Variants in RPN2 observed in about 807,000 individuals in gnomAD.
RPN2 encodes the protein dolichyl-diphosphooligosaccharide--protein glycosyltransferase subunit 2.
Under a neutral mutation model 71.4 loss-of-function variants are expected in RPN2, and 29 were observed. The ratio of observed to expected loss-of-function variants is 0.41; its 90% CI spans 0.30 to 0.55. The LOEUF is 0.55. Ranked by LOEUF, RPN2 falls within the 20% of genes least tolerant of loss-of-function variation. The pLI, the probability that RPN2 is intolerant of heterozygous loss-of-function variation, is 0.35. For missense variants in RPN2, 726 were observed against 774.1 expected (o/e 0.94, Z 0.74); for synonymous variants, 308 against 305.0 (o/e 1.01, Z -0.10).
At chr20:37,202,413 C>G (rs2146577759) in intron 4 of RPN2, among the ~76,000 whole-genome samples, 1 of 152,286 alleles carries the variant, frequency 6.6e-6, no homozygotes, top group East Asian at 1.9e-4. Context: ...ATGTTCTTGA[C>G]ATAAGCAGAC....
intron 7 of RPN2, among the ~76,000 whole-genome samples, chr20:37,207,660 T>C (rs879314006): frequency 6.6e-6 from 1 of 152,102 alleles, no homozygotes; most frequent in Admixed American, 6.5e-5. Context: ...TAAAAAAATT[T>C]TTTTCCCCTC....
chr20:37,228,983 G>T (rs2068159831), intron 12 of RPN2, among the ~76,000 whole-genome samples: 1 of 111,362 alleles, frequency 9.0e-6, no homozygotes, highest in South Asian at 2.7e-4. Context: ...TAAACTTTGT[G>T]AGTGCTAGTA....
intron 13 of RPN2, among the ~76,000 whole-genome samples, chr20:37,232,048 G>C (rs556264636): frequency 2.0e-5 from 3 of 152,134 alleles, no homozygotes; most frequent in Admixed American, 6.5e-5. Flanking sequence ...AGTCTTTGAA[G>C]GGAATAAAGG....
At position 37,226,520 on chromosome 20, in the gene RPN2, G is replaced by GTGTATGTA. The variant is rs1269989483; in HGVS notation, c.1299+728_1299+735dup. ...GGCAATATGGTGAGACCTCATTTGT[G>GTGTATGTA]TGTATGTATGTATGTATAAATAAAT... On this transcript the variant is annotated intron_variant, in intron 11 of 16. Coordinates refer to ENST00000237530, the MANE Select transcript of RPN2 (RefSeq NM_002951.5). Among the ~76,000 whole-genome samples, 4 of 152,042 alleles carry GTGTATGTA rather than the reference G, an allele frequency of 2.6e-5. No individual in the cohort carries two copies. In the East Asian group the frequency reaches 7.7e-4, roughly 29 times the overall value.
intron 9 of RPN2, among the ~76,000 whole-genome samples, chr20:37,219,140 A>G (rs1266950694): frequency 3.9e-5 from 6 of 152,186 alleles, no homozygotes; most frequent in Non-Finnish European, 8.8e-5. Context: ...TCTACCAGCA[A>G]TGTGTGAGGG....
intron 1 of RPN2, among the ~76,000 whole-genome samples, chr20:37,182,570 C>A (rs2066911179): frequency 6.6e-6 from 1 of 151,932 alleles, no homozygotes; most frequent in African/African-American, 2.4e-5. Flanking sequence ...TTTGTATTTT[C>A]TTTTTTGTAG....
At chr20:37,198,269 A>T in intron 2 of RPN2, 128 bp from the exon 3 acceptor site, 1 of 1,541,240 alleles carries the variant, frequency 6.5e-7, no homozygotes, top group African/African-American at 1.4e-5. Context: ...GTAACTACTT[A>T]ACTAAATTCA....
chr20:37,240,255 C>G (rs1320801098), intron 16 of RPN2, among the ~76,000 whole-genome samples: 1 of 152,214 alleles, frequency 6.6e-6, no homozygotes, highest in Non-Finnish European at 1.5e-5. Context: ...TAGCCGCAGT[C>G]AAGAGTTGTG....
At chr20:37,194,791 T>G (rs2067219765) in intron 2 of RPN2, among the ~76,000 whole-genome samples, 1 of 151,882 alleles carries the variant, frequency 6.6e-6, no homozygotes, top group Admixed American at 6.6e-5. Flanking sequence ...TTAGAAAGGG[T>G]CTGGCGTGGG....
chr20:37,188,118 G>A (rs1252047509), intron 2 of RPN2, among the ~76,000 whole-genome samples: 1 of 151,942 alleles, frequency 6.6e-6, no homozygotes, highest in African/African-American at 2.4e-5. Context: ...CCCTATAACT[G>A]TATTTGCATT....
At chr20:37,205,976 C>T (rs971617363) in intron 6 of RPN2, among the ~76,000 whole-genome samples, 2 of 152,206 alleles carry the variant, frequency 1.3e-5, no homozygotes, top group African/African-American at 2.4e-5. Flanking sequence ...CAAAACAATT[C>T]TGGTGAACAG....
At chr20:37,221,232 A>G (rs981556694) in intron 9 of RPN2, among the ~76,000 whole-genome samples, 1 of 138,504 alleles carries the variant, frequency 7.2e-6, no homozygotes, top group Non-Finnish European at 1.5e-5. Context: ...GCCTTGCCCT[A>G]TTGCCCAGGC....
chr20:37,209,586 C>T (rs2067605576), intron 7 of RPN2, among the ~76,000 whole-genome samples: 1 of 152,104 alleles, frequency 6.6e-6, no homozygotes, highest in Admixed American at 6.5e-5. Context: ...GCCTCAACTT[C>T]CTGAGTATCT....
chr20:37,220,332 A>G (rs536281291), intron 9 of RPN2, among the ~76,000 whole-genome samples: 1 of 152,298 alleles, frequency 6.6e-6, no homozygotes, highest in South Asian at 2.1e-4. Flanking sequence ...CTCCCAAGAA[A>G]TGCTCGACAT....
intron 8 of RPN2, among the ~76,000 whole-genome samples, chr20:37,212,106 T>C (rs992450792): frequency 6.6e-6 from 1 of 152,098 alleles, no homozygotes; most frequent in Admixed American, 6.6e-5. Flanking sequence ...ATTATTGCTA[T>C]GTAATTTTTT....
intron 2 of RPN2, among the ~76,000 whole-genome samples, chr20:37,190,994 A>G (rs1021872729): frequency 6.6e-6 from 1 of 152,202 alleles, no homozygotes; most frequent in African/African-American, 2.4e-5. Flanking sequence ...CCTTCAGCTC[A>G]GTAGAGAGAA....
intron 4 of RPN2, among the ~76,000 whole-genome samples, chr20:37,199,821 A>G (rs1165499219): frequency 3.3e-5 from 5 of 152,058 alleles, no homozygotes; most frequent in Non-Finnish European, 7.4e-5. Context: ...TTAAGTGATA[A>G]TATATGTAGT....
intron 1 of RPN2, among the ~76,000 whole-genome samples, chr20:37,183,955 A>G (rs1252384758): frequency 6.6e-6 from 1 of 152,164 alleles, no homozygotes; most frequent in Non-Finnish European, 1.5e-5. Flanking sequence ...TAGTAGGATA[A>G]GGCCTGTGCT....
chr20:37,223,881 A>C lies in RPN2; in HGVS notation c.1096A>C (p.Arg366=). Residue 366 remains arginine (R), a synonymous_variant, in exon 10 of 17, where the codon AGA becomes CGA. Coordinates refer to ENST00000237530, the MANE Select transcript of RPN2 (RefSeq NM_002951.5). ...NRYIANTVEL[R]VKISTEVGIT... is the part of the protein sequence containing the mutation. ...TGTCTTCTCTATTTTCCTCTAGCTC[A>C]GAGTCAAGATCTCCACTGAAGTTGG... 2 of 1,613,966 alleles carry C rather than the reference A, an allele frequency of 1.2e-6. No homozygotes were observed. The highest frequency in any genetic ancestry group is 1.7e-6 in the Non-Finnish European group (2 of 1,179,824).
Sources: gnomAD v4.1 joint callset for allele counts (sites outside exome capture counted in the v4.1 genomes callset) on GRCh38, gnomAD v4.1.1 for gene constraint, MANE v1.5 for transcripts, NCBI Gene and HGNC (gene_info 2026-07-23, HGNC 2026-07-21) for gene names.